Variants in LOC400499 observed in about 807,000 individuals in gnomAD.
At chr16:11,474,014 C>T in the LOC400499 span, among the ~76,000 whole-genome samples, 40 of 152,208 alleles carry the variant, frequency 2.6e-4, no homozygotes, top group Admixed American at 2.4e-3. Flanking sequence ...CCACCATGCC[C>T]GGCTAATTTG....
the LOC400499 span, among the ~76,000 whole-genome samples, chr16:11,377,041 C>T: frequency 6.6e-6 from 1 of 151,250 alleles, no homozygotes. Context: ...ACAGCCTTGA[C>T]CTCTGAGGCT....
chr16:11,523,615 CA>C, the LOC400499 span: 3 of 394,616 alleles, frequency 7.6e-6, no homozygotes, highest in Non-Finnish European at 1.3e-5. Context: ...AAAATGTCCT[CA>C]GGGGAGGGAG....
chr16:11,419,950 G>A, the LOC400499 span, among the ~76,000 whole-genome samples: 1 of 151,168 alleles, frequency 6.6e-6, no homozygotes, highest in South Asian at 2.1e-4. Flanking sequence ...AACAACAGAT[G>A]CTGGCGAGGA....
chr16:11,464,876 A>G, the LOC400499 span, among the ~76,000 whole-genome samples: 1 of 152,218 alleles, frequency 6.6e-6, no homozygotes, highest in Admixed American at 6.5e-5. Flanking sequence ...CTAGAAGTTC[A>G]AGGGCCCCTG....
the LOC400499 span, among the ~76,000 whole-genome samples, chr16:11,495,426 C>T: frequency 0.016 from 2,349 of 151,392 alleles, 36 homozygotes; most frequent in Middle Eastern, 0.027. Flanking sequence ...TCTCATTCAT[C>T]CTGGAGTGCA....
chr16:11,457,155 G>T, the LOC400499 span: 3 of 964,132 alleles, frequency 3.1e-6, no homozygotes, highest in Non-Finnish European at 4.5e-6. Context: ...ACTCCACACG[G>T]GCAACGGGAG....
chr16:11,469,448 C>G, the LOC400499 span: 3 of 398,940 alleles, frequency 7.5e-6, no homozygotes, highest in Non-Finnish European at 1.3e-5. Context: ...TGCAGGGGCC[C>G]TGCCCCGGGT....
At chr16:11,473,305 A>G in the LOC400499 span, 11 of 151,266 alleles carry the variant, frequency 7.3e-5, no homozygotes, top group East Asian at 1.9e-3. Context: ...CAAAATTTGT[A>G]TATCTTCATT....
At chr16:11,405,423 T>A in the LOC400499 span, among the ~76,000 whole-genome samples, 1 of 151,570 alleles carries the variant, frequency 6.6e-6, no homozygotes, top group African/African-American at 2.4e-5. Context: ...GGACAGAAAA[T>A]GATGGGATAA....
At chr16:11,480,786 ATTG>A in the LOC400499 span, among the ~76,000 whole-genome samples, 2 of 152,230 alleles carry the variant, frequency 1.3e-5, no homozygotes, top group African/African-American at 4.8e-5. Context: ...GGATACAGAA[ATTG>A]TTGTTTGTTC....
the LOC400499 span, among the ~76,000 whole-genome samples, chr16:11,423,785 G>A: frequency 6.6e-6 from 1 of 152,218 alleles, no homozygotes; most frequent in Non-Finnish European, 1.5e-5. Flanking sequence ...GAGAGACCAG[G>A]GCCTCTACCA....
the LOC400499 span, among the ~76,000 whole-genome samples, chr16:11,484,601 T>G: frequency 6.6e-6 from 1 of 152,148 alleles, no homozygotes; most frequent in Non-Finnish European, 1.5e-5. Context: ...GAAGATGGTC[T>G]GGGTGCTGGT....
the LOC400499 span, among the ~76,000 whole-genome samples, chr16:11,525,250 C>T: frequency 4.1e-5 from 6 of 147,940 alleles, no homozygotes; most frequent in African/African-American, 1.0e-4. Context: ...CTGCCTGGTG[C>T]GATCGTATTC....
the LOC400499 span, among the ~76,000 whole-genome samples, chr16:11,481,467 C>A: frequency 3.3e-5 from 5 of 151,740 alleles, no homozygotes; most frequent in East Asian, 9.7e-4. Context: ...GGATTATAAA[C>A]GCCTGCCACC....
At chr16:11,458,376 G>C in the LOC400499 span, among the ~76,000 whole-genome samples, 2 of 151,942 alleles carry the variant, frequency 1.3e-5, no homozygotes, top group African/African-American at 4.8e-5. Context: ...GTGGTGGCAG[G>C]TGACTGTAAT....
At chr16:11,429,910 A>C in the LOC400499 span, among the ~76,000 whole-genome samples, 2 of 152,264 alleles carry the variant, frequency 1.3e-5, no homozygotes, top group Non-Finnish European at 2.9e-5. Flanking sequence ...AGAACAGAGA[A>C]TACTTACATG....
the LOC400499 span, chr16:11,392,870 T>G: frequency 1.1e-6 from 1 of 912,134 alleles, no homozygotes; most frequent in Non-Finnish European, 1.3e-6. Flanking sequence ...GTTTTACTTT[T>G]TGAGACAGAG....
At chr16:11,379,158 G>C in the LOC400499 span, among the ~76,000 whole-genome samples, 2 of 152,178 alleles carry the variant, frequency 1.3e-5, no homozygotes, top group African/African-American at 2.4e-5. Context: ...TGAGGCCTAA[G>C]AATCACTTGA....
the LOC400499 span, among the ~76,000 whole-genome samples, chr16:11,464,157 GT>G: frequency 1.9e-5 from 1 of 53,878 alleles, no homozygotes; most frequent in African/African-American, 7.7e-5. Flanking sequence ...TGATGTGTAT[GT>G]GTATGGACAT....
Sources: gnomAD v4.1 joint callset for allele counts (sites outside exome capture counted in the v4.1 genomes callset) on GRCh38, gnomAD v4.1.1 for gene constraint, MANE v1.5 for transcripts.